Variants in ATM observed in about 807,000 individuals in gnomAD.
ATM encodes the protein ATM serine/threonine kinase, also known as serine-protein kinase ATM.
Under a neutral mutation model 387.0 loss-of-function variants are expected in ATM, and 308 were observed. The observed-to-expected ratio is 0.80, with a 90% CI of 0.73 to 0.87. The LOEUF (loss-of-function observed/expected upper bound fraction) is 0.87. ATM is among the 40% of genes least tolerant of loss of function. The pLI is 0.00. For missense variants in ATM, 3,312 were observed against 3,560.9 expected, an observed-to-expected ratio of 0.93 and a Z score of 1.78; for synonymous variants, 1,156 against 1,187.3, an observed-to-expected ratio of 0.97 and a Z score of 0.54.
chr11:108,280,607 T>G (rs1295890077), intron 23 of ATM, among the ~76,000 whole-genome samples: 1 of 152,130 alleles, frequency 6.6e-6, no homozygotes, highest in Non-Finnish European at 1.5e-5. Flanking sequence ...CAAATATCCT[T>G]TGTGTTACAA....
rs1427517965 is a variant in ATM, at chr11:108,251,898, A to G, written c.1669A>G (p.Met557Val). ...TTSIVPGTVK[M>V]GIEQNMCEVN... Reference sequence around the variant, plus strand: ...CAGTATAGTTCCAGGAACGGTAAAAATGGGAATAGAGCAAAATATGTGTGA... The same window carrying G: ...CAGTATAGTTCCAGGAACGGTAAAAGTGGGAATAGAGCAAAATATGTGTGA... Residue 557 changes from methionine to valine, a missense_variant, in exon 11 of 63, where the codon ATG becomes GTG. Transcript: ENST00000675843. 6.2e-7 allele frequency: 1 copy of G among 1,613,966 alleles called. No homozygotes were observed. The highest frequency in any genetic ancestry group is 1.7e-5 in the Admixed American group (1 of 60,016).
At chr11:108,309,941 G>C (rs998446963) in intron 38 of ATM, among the ~76,000 whole-genome samples, 4 of 152,058 alleles carry the variant, frequency 2.6e-5, no homozygotes, top group Admixed American at 2.6e-4. Context: ...TCTCTGATAG[G>C]TTTGAGGGAA....
chr11:108,271,504 T>A, intron 20 of ATM, 98 bp downstream of exon 20: 1 of 1,359,564 alleles, frequency 7.4e-7, no homozygotes, highest in Non-Finnish European at 1.1e-6. Flanking sequence ...CTGATCTTCC[T>A]ACATAGCTAA....
intron 8 of ATM, 107 bp downstream of exon 8, chr11:108,247,234 A>G: frequency 9.4e-7 from 1 of 1,060,512 alleles, no homozygotes; most frequent in Non-Finnish European, 1.4e-6. Flanking sequence ...AGCCTATAAA[A>G]TGACTCTGTA....
intron 61 of ATM, among the ~76,000 whole-genome samples, chr11:108,357,138 G>A (rs372707035): frequency 4.6e-5 from 7 of 152,358 alleles, no homozygotes; most frequent in Admixed American, 1.3e-4. Context: ...CTTGGGAAGC[G>A]CAAGGGTCAG....
intron 5 of ATM, among the ~76,000 whole-genome samples, chr11:108,242,095 G>T (rs2079592649): frequency 6.6e-6 from 1 of 151,742 alleles, no homozygotes; most frequent in Non-Finnish European, 1.5e-5. Flanking sequence ...TCTAGCCTGG[G>T]CAGTGTAGTG....
At chr11:108,291,578 G>C (rs1391486238) in intron 29 of ATM, among the ~76,000 whole-genome samples, 1 of 152,200 alleles carries the variant, frequency 6.6e-6, no homozygotes, top group Non-Finnish European at 1.5e-5. Context: ...GCCTATTGTA[G>C]ATATTTTAAT....
chr11:108,274,015 G>A (rs1374774025), intron 22 of ATM, among the ~76,000 whole-genome samples: 1 of 152,058 alleles, frequency 6.6e-6, no homozygotes, highest in Non-Finnish European at 1.5e-5. Context: ...GCTTTTTTTG[G>A]TTGGTAGGCT....
At position 108,293,340 on chromosome 11, in the gene ATM, A is replaced by G. The variant is rs537377433; in HGVS notation, c.4639A>G (p.Ile1547Val). 4 of 1,570,340 alleles carry G rather than the reference A, an allele frequency of 2.5e-6. No homozygotes were observed. Among genetic ancestry groups the G allele is most frequent in the Admixed American group, 1.7e-5 (1 of 58,590 alleles). The change falls in exon 31 of 63, where the codon ATA becomes GTA. Residue 1547 changes from isoleucine (I) to valine (V), a missense_variant. This residue lies in a region of ATM where 1,791 missense variants were observed against 1,804.5 expected (regional missense o/e 0.99). Coordinates refer to ENST00000675843, the MANE Select transcript of ATM (RefSeq NM_000051.4). ...QVLDLLKYLV[I>V]DNKDNENLYI... ...ATTGGACTTGTTGAAATACTTAGTG[A>G]TAGATAACAAGGATAATGAAAACCT...
intron 4 of ATM, chr11:108,231,038 G>C (rs1177968555): frequency 6.6e-6 from 1 of 152,150 alleles, no homozygotes; most frequent in African/African-American, 2.4e-5. Context: ...GATTAGTACA[G>C]AGTGAAGCAA....
At position 108,292,908 on chromosome 11, in the gene ATM, T is replaced by C. The variant is rs2082880724; in HGVS notation, c.4611+115T>C. 9.2e-6 allele frequency: 12 copies of C among 1,299,666 alleles called. No homozygotes were observed. In the East Asian group the frequency reaches 3.0e-4, roughly 32 times the overall value. 80.5% of individuals were successfully genotyped at this position (1,299,666 alleles called of 1,614,324 possible). On this transcript the variant is annotated intron_variant, in intron 30 of 62. Coordinates refer to ENST00000675843, the MANE Select transcript of ATM (RefSeq NM_000051.4). ...TTGGTGATTTTATTGAGAATATTTT[T>C]TGTAAAATGATTGGAAAAATATTCT...
Position 108,223,198 on chromosome 11 carries a change from G to A in ATM, c.-31+12G>A, listed in dbSNP as rs962403813. 2 of 163,696 alleles carry A rather than the reference G, an allele frequency of 1.2e-5. No individual in the cohort carries two copies. The highest frequency in any genetic ancestry group is 4.8e-5 in the African/African-American group (2 of 41,520). 10.1% of individuals were successfully genotyped at this position (163,696 alleles called of 1,614,324 possible). A position where few individuals can be genotyped will look rare whatever the true frequency, so the allele number is the denominator to read the frequency against. ...TTCCGAGTGCAGTGGTAGGGGCGCG[G>A]AGGCAACGCAGCGGCTTCTGCGCTG... is the stretch of plus-strand genomic sequence containing the variant. On this transcript the variant is annotated intron_variant, in intron 1 of 62. Coordinates refer to ENST00000675843, the MANE Select transcript of ATM (RefSeq NM_000051.4).
intron 13 of ATM, among the ~76,000 whole-genome samples, chr11:108,255,680 C>G (rs941889797): frequency 6.6e-6 from 1 of 152,138 alleles, no homozygotes; most frequent in African/African-American, 2.4e-5. Flanking sequence ...CCCGCCTCGG[C>G]CTCCCAAAGT....
intron 60 of ATM, among the ~76,000 whole-genome samples, 178 bp downstream of exon 60, chr11:108,354,058 TACACACACACAAACACACACACACAC>T (rs1258023294): frequency 3.0e-5 from 2 of 67,058 alleles, no homozygotes; most frequent in South Asian, 5.3e-4. Context: ...TCTAAAAAAA[TACACACACACAAACACACACACACAC>T]ACACACACAC....
chr11:108,359,312 T>G (rs1366682638), intron 61 of ATM, among the ~76,000 whole-genome samples: 2 of 151,894 alleles, frequency 1.3e-5, no homozygotes, highest in East Asian at 3.9e-4. Flanking sequence ...CTGAGTGACC[T>G]ACAAAGAGAC....
At chr11:108,244,615 G>T (rs993569576) in intron 6 of ATM, among the ~76,000 whole-genome samples, 173 bp from the exon 7 acceptor site, 11 of 132,814 alleles carry the variant, frequency 8.3e-5, no homozygotes, top group Admixed American at 1.6e-4. Flanking sequence ...TTTTTTGTCA[G>T]TGTGAAGTAA....
chr11:108,357,055 C>A (rs1030541950), intron 61 of ATM, among the ~76,000 whole-genome samples: 1 of 152,124 alleles, frequency 6.6e-6, no homozygotes, highest in Non-Finnish European at 1.5e-5. Flanking sequence ...CACTAGGGAG[C>A]GCCAGACAGT....
rs786203761 is a variant in ATM, at chr11:108,289,063, C to A, written c.4196C>A (p.Thr1399Asn). The A allele has an allele frequency of 1.7e-5, 27 of 1,612,132 alleles. No homozygotes were observed. The highest frequency in any genetic ancestry group is 2.2e-5 in the Non-Finnish European group (26 of 1,178,606). The change falls in exon 28 of 63, where the codon ACC (threonine) becomes AAC (asparagine). Residue 1399 changes from threonine (T) to asparagine (N), a missense_variant. By Grantham distance (65) the Thr-to-Asn change is moderately conservative (BLOSUM62 0). Coordinates refer to ENST00000675843, the MANE Select transcript of ATM (RefSeq NM_000051.4). ...TFAYISNCHK[T>N]KLKSILEILS... is the part of the protein sequence containing the mutation. ...GCCTATATCAGCAATTGTCATAAAACCAAGTTAAAAAGCATTTTAGAAATT... is the reference window on the plus strand; with the variant it reads ...GCCTATATCAGCAATTGTCATAAAAACAAGTTAAAAAGCATTTTAGAAATT...
At chr11:108,317,047 CT>C (rs1413414459) in intron 42 of ATM, among the ~76,000 whole-genome samples, 2 of 151,324 alleles carry the variant, frequency 1.3e-5, no homozygotes, top group Non-Finnish European at 2.9e-5. Flanking sequence ...GCACCTCTCG[CT>C]TCAGCCACCC....
Sources: gnomAD v4.1 joint callset for allele counts (sites outside exome capture counted in the v4.1 genomes callset) on GRCh38, gnomAD v4.1.1 for gene constraint, gnomAD v4.1.1 regional missense constraint, MANE v1.5 for transcripts, NCBI Gene and HGNC (gene_info 2026-07-23, HGNC 2026-07-21) for gene names.